The following NTRK2 variants were observed in gnomAD, a reference collection of about 807,000 sequenced individuals.
NTRK2 encodes the protein neurotrophic receptor tyrosine kinase 2.
In NTRK2, 13 loss-of-function variants were observed where a neutral mutation model predicts 94.5. That is an observed-to-expected ratio of 0.14 (90% confidence interval 0.09 to 0.22). The LOEUF (loss-of-function observed/expected upper bound fraction) is 0.22. NTRK2 is among the 10% of genes least tolerant of loss of function. The pLI, the probability that NTRK2 is intolerant of heterozygous loss-of-function variation, is 1.00. For missense variants in NTRK2, 639 were observed against 1,071.2 expected (o/e 0.60, Z 5.63); for synonymous variants, 372 against 407.4 (o/e 0.91, Z 1.05).
Position 84,681,384 on chromosome 9 carries a change from C to G in NTRK2, c.212+10424C>G, listed in dbSNP as rs570126261. ...CACTCATTCACATATTACGTCTTGT[C>G]AATCCATTTTCCTAAGTATTTCCTA... On this transcript the variant is annotated intron_variant, in intron 2 of 18. Transcript: ENST00000277120. Among the ~76,000 whole-genome samples the G allele has an allele frequency of 2.0e-4, 31 of 152,298 alleles. No homozygotes were observed. In the South Asian group the frequency reaches 5.6e-3, roughly 27 times the overall value.
intron 12 of NTRK2, among the ~76,000 whole-genome samples, chr9:84,801,270 G>T (rs1187282): frequency 0.73 from 111,452 of 152,112 alleles, 41,974 homozygotes; most frequent in Admixed American, 0.83. Flanking sequence ...GTTTCTGGTT[G>T]TAGACTGCTT....
At chr9:84,675,323 C>CTTTTTTTTTTTTTTTTTTTTT (rs1564023863) in intron 2 of NTRK2, among the ~76,000 whole-genome samples, 1 of 69,560 alleles carries the variant, frequency 1.4e-5, no homozygotes, top group African/African-American at 5.6e-5. Flanking sequence ...TTCTTTCTTT[C>CTTTTTTTTTTTTTTTTTTTTT]CTTTTTTTTT....
intron 14 of NTRK2, among the ~76,000 whole-genome samples, chr9:84,921,359 G>C (rs1371670394): frequency 6.6e-6 from 1 of 152,234 alleles, no homozygotes; most frequent in East Asian, 1.9e-4. Flanking sequence ...CAAGACAGAG[G>C]AGAGGAACCC....
intron 12 of NTRK2, among the ~76,000 whole-genome samples, chr9:84,786,243 T>C (rs1319376685): frequency 1.3e-5 from 2 of 152,220 alleles, no homozygotes; most frequent in Non-Finnish European, 2.9e-5. Flanking sequence ...CTATTATTTA[T>C]GGAGCACTTG....
chr9:84,771,863 C>A (rs1269561639), intron 12 of NTRK2, among the ~76,000 whole-genome samples: 1 of 152,174 alleles, frequency 6.6e-6, no homozygotes, highest in African/African-American at 2.4e-5. Context: ...CATCTGAGGG[C>A]CACTTCGGGG....
chr9:84,827,119 C>A (rs147576604), intron 12 of NTRK2, among the ~76,000 whole-genome samples: 3 of 152,252 alleles, frequency 2.0e-5, no homozygotes, highest in Non-Finnish European at 4.4e-5. Context: ...CTTCAATGGT[C>A]CACATAGGTG....
chr9:84,965,230 G>T (rs1466066087), intron 17 of NTRK2, among the ~76,000 whole-genome samples: 1 of 152,204 alleles, frequency 6.6e-6, no homozygotes, highest in African/African-American at 2.4e-5. Context: ...TTTGCCTATG[G>T]TTGGGGTCAA....
chr9:84,906,419 T>C (rs1445887124), intron 14 of NTRK2, among the ~76,000 whole-genome samples: 1 of 152,168 alleles, frequency 6.6e-6, no homozygotes, highest in Admixed American at 6.5e-5. Flanking sequence ...GTAGTGACCT[T>C]GCAGAGCAGC....
chr9:84,967,640 C>T (rs564616146), intron 17 of NTRK2, among the ~76,000 whole-genome samples: 76 of 152,332 alleles, frequency 5.0e-4, no homozygotes, highest in African/African-American at 4.8e-4. Flanking sequence ...CCTTTGACGG[C>T]GGAGCCCAGC....
Position 84,704,225 on chromosome 9 carries a change from C to CTT in NTRK2, c.359+1826_359+1827dup, listed in dbSNP as rs773413015. On this transcript the variant is annotated intron_variant, in intron 4 of 18. Transcript: ENST00000277120. Reference sequence around the variant, plus strand: ...ATATGACGGTGATTTTGGTGGTATTCTTTTTTTTTTTTTTTTTTTTTGAGA... The same window carrying CTT: ...ATATGACGGTGATTTTGGTGGTATTCTTTTTTTTTTTTTTTTTTTTTTTGAGA... Among the ~76,000 whole-genome samples, 821 of 93,702 alleles carry CTT rather than the reference C, an allele frequency of 8.8e-3. 17 individuals carry two copies. The highest frequency in any genetic ancestry group is 0.01 in the South Asian group (27 of 2,630). The allele number at this position is 93,702 out of a possible 152,430, so 61.5% of individuals were successfully genotyped here. A position where few individuals can be genotyped will look rare whatever the true frequency, so the allele number is the denominator to read the frequency against.
At chr9:85,020,055 A>G in intron 17 of NTRK2, 151 bp from the exon 18 acceptor site, 1 of 795,330 alleles carries the variant, frequency 1.3e-6, no homozygotes, top group South Asian at 1.5e-5. Context: ...GTTGCTTGAG[A>G]CTGTGAAGAA....
chr9:84,987,580 G>GA (rs1828482708), intron 17 of NTRK2, among the ~76,000 whole-genome samples: 1 of 152,226 alleles, frequency 6.6e-6, no homozygotes, highest in South Asian at 2.1e-4. Flanking sequence ...CATTAAGAAT[G>GA]AAAAATCAGT....
At chr9:84,876,211 T>A (rs1264869223) in intron 14 of NTRK2, 1 of 1,041,278 alleles carries the variant, frequency 9.6e-7, no homozygotes. Context: ...AATAAAGTGG[T>A]TGATATAGAG....
chr9:84,868,203 T>C (rs754051768), intron 14 of NTRK2, among the ~76,000 whole-genome samples: 4 of 152,120 alleles, frequency 2.6e-5, no homozygotes, highest in Non-Finnish European at 5.9e-5. Flanking sequence ...TAAGGGGCCG[T>C]GAGGGCTATG....
At chr9:84,677,957 C>CT (rs1488009635) in intron 2 of NTRK2, among the ~76,000 whole-genome samples, 1 of 152,158 alleles carries the variant, frequency 6.6e-6, no homozygotes, top group Non-Finnish European at 1.5e-5. Context: ...TTTAGAGTTC[C>CT]TTTTTTTATG....
At chr9:84,757,314 C>G (rs2065170982) in intron 12 of NTRK2, among the ~76,000 whole-genome samples, 1 of 152,128 alleles carries the variant, frequency 6.6e-6, no homozygotes, top group Admixed American at 6.5e-5. Flanking sequence ...CTAGAAATAA[C>G]TTTCTTTAAC....
At chr9:84,952,452 T>C (rs1246762238) in intron 16 of NTRK2, among the ~76,000 whole-genome samples, 2 of 152,240 alleles carry the variant, frequency 1.3e-5, no homozygotes, top group African/African-American at 4.8e-5. Flanking sequence ...TTAATTTTGT[T>C]ATTTTTTTAC....
At chr9:84,787,035 C>T (rs1215277963) in intron 12 of NTRK2, among the ~76,000 whole-genome samples, 2 of 152,104 alleles carry the variant, frequency 1.3e-5, no homozygotes, top group Non-Finnish European at 2.9e-5. Flanking sequence ...CGGTGGCTCA[C>T]ACCTATAATC....
At chr9:84,823,537 A>G (rs1162880177) in intron 12 of NTRK2, among the ~76,000 whole-genome samples, 1 of 152,276 alleles carries the variant, frequency 6.6e-6, no homozygotes, top group Non-Finnish European at 1.5e-5. Context: ...GTGGTAGACC[A>G]TAGGTTCCTG....
Sources: gnomAD v4.1 joint callset for allele counts (sites outside exome capture counted in the v4.1 genomes callset) on GRCh38, gnomAD v4.1.1 for gene constraint, MANE v1.5 for transcripts, NCBI Gene and HGNC (gene_info 2026-07-23, HGNC 2026-07-21) for gene names.